NF1: variants seen among roughly 807,000 people sequenced by gnomAD.
NF1 encodes the protein neurofibromin 1, also known as neurofibromin.
NF1 carries 122 observed loss-of-function variants against 325.7 expected under a neutral mutation model. The observed-to-expected ratio is 0.37, with a 90% CI of 0.32 to 0.44. The LOEUF (loss-of-function observed/expected upper bound fraction) is 0.44. Among genes scored for constraint, NF1 ranks in the 20% least tolerant of loss-of-function variants. The probability of loss-of-function intolerance (pLI) is 1.00; values close to 1 mark genes in which losing one functional copy is unlikely to be tolerated. For synonymous variants in NF1, 1,091 were observed against 1,186.0 expected (o/e 0.92, Z 1.65); for missense variants, 2,140 against 3,415.4 (o/e 0.63, Z 9.31).
intron 5 of NF1, among the ~76,000 whole-genome samples, chr17:31,171,295 A>G (rs912583490): frequency 1.3e-5 from 2 of 152,222 alleles, no homozygotes; most frequent in Non-Finnish European, 2.9e-5. Flanking sequence ...TTAGATTATA[A>G]TAAACCACCA....
chr17:31,310,121 C>T (rs959279013), intron 36 of NF1, among the ~76,000 whole-genome samples: 1 of 152,078 alleles, frequency 6.6e-6, no homozygotes, highest in Non-Finnish European at 1.5e-5. Context: ...TTAGCATACA[C>T]ATTTTAAAAT....
In NF1 at chr17:31,095,290, C is replaced by T. The variant is rs970477660; in HGVS notation, c.-20C>T. 6 of 1,535,678 alleles carry T rather than the reference C, an allele frequency of 3.9e-6. No individual in the cohort carries two copies. The highest frequency in any genetic ancestry group is 1.4e-5 in the African/African-American group (1 of 72,882). ...GCCGGCCCACCCTTCCCTCCGCCGC[C>T]CCCCGGCCGCGGGGAGGACATGGCC... On this transcript the variant is annotated 5_prime_UTR_variant, in exon 1 of 58. Transcript: ENST00000358273.
intron 36 of NF1, among the ~76,000 whole-genome samples, chr17:31,266,529 A>C (rs2067792491): frequency 6.6e-6 from 1 of 152,172 alleles, no homozygotes; most frequent in African/African-American, 2.4e-5. Context: ...AAATTGCCTA[A>C]GATCATTTTA....
At position 31,155,903 on chromosome 17, in the gene NF1, A is replaced by G. The variant is rs989435575; in HGVS notation, c.61-80A>G. 5 of 1,521,784 alleles carry G rather than the reference A, an allele frequency of 3.3e-6. No homozygotes were observed. In the Admixed American group the frequency reaches 1.0e-4, roughly 31 times the overall value. 94.3% of individuals were successfully genotyped at this position (1,521,784 alleles called of 1,614,324 possible). A position where few individuals can be genotyped will look rare whatever the true frequency, so the allele number is the denominator to read the frequency against. On this transcript the variant is annotated intron_variant, in intron 1 of 57. Coordinates refer to ENST00000358273, the MANE Select transcript of NF1 (RefSeq NM_001042492.3). Reference sequence around the variant, plus strand: ...GATGCAGTTTTCCTAAAACGTCATGATTTTCAATGGCAAGTAAGTTATTTA... The same window carrying G: ...GATGCAGTTTTCCTAAAACGTCATGGTTTTCAATGGCAAGTAAGTTATTTA...
rs1457811642 is a variant in NF1, at chr17:31,338,849, G to A, written c.6921+44G>A. 3.3e-6 allele frequency: 4 copies of A among 1,196,596 alleles called. No homozygotes were observed. The Admixed American group carries it at 6.8e-5, about 20-fold the overall frequency. 74.1% of individuals were successfully genotyped at this position (1,196,596 alleles called of 1,614,324 possible). A position where few individuals can be genotyped will look rare whatever the true frequency, so the allele number is the denominator to read the frequency against. On this transcript the variant is annotated intron_variant, in intron 46 of 57. Coordinates refer to ENST00000358273, the MANE Select transcript of NF1 (RefSeq NM_001042492.3). ...ATGAGTGCATTCATTTTGGGTATCA[G>A]TGTTGAATGTTACTTTCTTTCAAAG...
chr17:31,106,145 G>C (rs150402417), intron 1 of NF1, among the ~76,000 whole-genome samples: 7 of 152,278 alleles, frequency 4.6e-5, no homozygotes, highest in African/African-American at 1.7e-4. Context: ...CTACTATGTA[G>C]TAAAAGAAAA....
At chr17:31,230,957 G>C in intron 24 of NF1, 32 bp downstream of exon 24, 2 of 1,520,216 alleles carry the variant, frequency 1.3e-6, no homozygotes, top group Non-Finnish European at 1.8e-6. Context: ...AGTATTAGTG[G>C]GTTTTACTGT....
chr17:31,253,197 G>T (rs1384937094), intron 31 of NF1, 197 bp downstream of exon 31: 1 of 558,612 alleles, frequency 1.8e-6, no homozygotes, highest in Non-Finnish European at 3.2e-6. Flanking sequence ...TGTTCCTTTG[G>T]TTTGATTTAT....
intron 36 of NF1, chr17:31,305,296 T>G (rs774543831): frequency 2.5e-6 from 4 of 1,614,100 alleles, no homozygotes; most frequent in Admixed American, 1.7e-5. Flanking sequence ...TTGTTTGGTG[T>G]TGTAGGCAAG....
At chr17:31,184,234 G>T (rs2066190170) in intron 8 of NF1, among the ~76,000 whole-genome samples, 1 of 152,278 alleles carries the variant, frequency 6.6e-6, no homozygotes, top group South Asian at 2.1e-4. Flanking sequence ...CTGATTCACC[G>T]CTAATGAGAG....
intron 20 of NF1, 129 bp downstream of exon 20, chr17:31,227,735 G>A (rs558867952): frequency 3.5e-5 from 28 of 811,144 alleles, no homozygotes; most frequent in South Asian, 2.9e-4. Context: ...ATTTAGTTGT[G>A]GTTTATCTAG....
chr17:31,275,571 A>G (rs1359982318), intron 36 of NF1, among the ~76,000 whole-genome samples: 1 of 152,216 alleles, frequency 6.6e-6, no homozygotes. Flanking sequence ...AAAACACAGC[A>G]TATATTGGGT....
chr17:31,181,796 G>A lies in NF1; in HGVS notation c.730+11G>A, dbSNP rs961980456. ...AGACTGATATGGCTGGTAAGGATACGATTGATTTTTTTTTTTTTTTTGTCT... is the reference window on the plus strand; with the variant it reads ...AGACTGATATGGCTGGTAAGGATACAATTGATTTTTTTTTTTTTTTTGTCT... On this transcript the variant is annotated intron_variant, in intron 7 of 57. Coordinates refer to ENST00000358273, the MANE Select transcript of NF1 (RefSeq NM_001042492.3). The A allele has an allele frequency of 9.7e-6, 15 of 1,544,346 alleles. No homozygotes were observed. The highest frequency in any genetic ancestry group is 2.8e-5 in the African/African-American group (2 of 72,278).
chr17:31,232,671 A>C (rs376178671), intron 25 of NF1, 29 bp from the exon 26 acceptor site: 1 of 1,585,564 alleles, frequency 6.3e-7, no homozygotes. Context: ...GGCCTTCACT[A>C]TGTAAAGGTC....
intron 1 of NF1, among the ~76,000 whole-genome samples, chr17:31,103,822 CAAAT>C (rs1912593581): frequency 1.3e-5 from 2 of 149,298 alleles, no homozygotes; most frequent in South Asian, 2.1e-4. Context: ...GTAAAAAAAA[CAAAT>C]AAAAAAAAAA....
At chr17:31,111,221 A>G (rs1402796403) in intron 1 of NF1, among the ~76,000 whole-genome samples, 1 of 152,144 alleles carries the variant, frequency 6.6e-6, no homozygotes, top group Non-Finnish European at 1.5e-5. Context: ...CACAGAAAAA[A>G]AAAAAAGAAT....
At chr17:31,111,154 C>T (rs1256250213) in intron 1 of NF1, among the ~76,000 whole-genome samples, 3 of 150,368 alleles carry the variant, frequency 2.0e-5, no homozygotes, top group Non-Finnish European at 4.4e-5. Flanking sequence ...CTATACACAG[C>T]AGAAGGCAAG....
chr17:31,165,285 A>C (rs2065826165), intron 4 of NF1, among the ~76,000 whole-genome samples: 1 of 152,228 alleles, frequency 6.6e-6, no homozygotes, highest in African/African-American at 2.4e-5. Context: ...CAAGTGTCTA[A>C]AATTTTATTA....
intron 36 of NF1, among the ~76,000 whole-genome samples, chr17:31,293,364 A>G (rs951628267): frequency 2.0e-5 from 3 of 152,012 alleles, no homozygotes; most frequent in Admixed American, 1.3e-4. Context: ...GCTTCCGTAT[A>G]TAGAGAGGTA....
Sources: allele counts gnomAD v4.1 joint callset (sites outside exome capture counted in the v4.1 genomes callset), GRCh38; gene constraint gnomAD v4.1.1; transcripts MANE v1.5; gene names NCBI Gene and HGNC (gene_info 2026-07-23, HGNC 2026-07-21).